The following CNR2 variants were observed in gnomAD, a reference collection of about 807,000 sequenced individuals.
CNR2 encodes the protein cannabinoid receptor 2 (macrophage).
For synonymous variants in CNR2, 172 were observed against 182.2 expected, an observed-to-expected ratio of 0.94 and a Z score of 0.45; for missense variants, 379 against 439.9, an observed-to-expected ratio of 0.86 and a Z score of 1.24.
intron 1 of CNR2, among the ~76,000 whole-genome samples, chr1:23,898,900 A>G (rs6663800): frequency 0.98 from 148,974 of 151,850 alleles, 73,131 homozygotes; most frequent in East Asian, 1. Flanking sequence ...TGATCCAACC[A>G]CCTCCACCTA....
Position 23,874,534 on chromosome 1 carries a change from A to C in CNR2, c.*1T>G. On this transcript the variant is annotated 3_prime_UTR_variant, in exon 2 of 2. Transcript: ENST00000374472. Reference sequence around the variant, plus strand: ...GTTGTTTAAATTGGGAAGAGGCCTCATCAGCAATCAGAGAGGTCTAGATCT... The same window carrying C: ...GTTGTTTAAATTGGGAAGAGGCCTCCTCAGCAATCAGAGAGGTCTAGATCT... 6.2e-7 allele frequency: 1 copy of C among 1,609,804 alleles called. No homozygotes were observed. Among genetic ancestry groups the C allele is most frequent in the Non-Finnish European group, 8.5e-7 (1 of 1,177,742 alleles).
At chr1:23,885,344 A>C (rs1374132884) in intron 1 of CNR2, among the ~76,000 whole-genome samples, 1 of 152,178 alleles carries the variant, frequency 6.6e-6, no homozygotes, top group Non-Finnish European at 1.5e-5. Flanking sequence ...GTAGACCCCA[A>C]GTATGAGTGT....
chr1:23,900,504 CTTTTT>C (rs56203777), intron 1 of CNR2, among the ~76,000 whole-genome samples: 2 of 82,090 alleles, frequency 2.4e-5, no homozygotes, highest in Non-Finnish European at 2.5e-5. Context: ...TCCCTGATCT[CTTTTT>C]TTTTTTTTTT....
At chr1:23,896,881 GTT>G (rs5773060) in intron 1 of CNR2, among the ~76,000 whole-genome samples, 7 of 141,820 alleles carry the variant, frequency 4.9e-5, no homozygotes, top group African/African-American at 1.8e-4. Context: ...CACCAGGAGT[GTT>G]TTTTTTTTTT....
At chr1:23,880,368 G>A (rs761769545) in intron 1 of CNR2, among the ~76,000 whole-genome samples, 6 of 151,760 alleles carry the variant, frequency 4.0e-5, no homozygotes, top group Non-Finnish European at 8.8e-5. Context: ...TAGTAGAGAC[G>A]GGGTTTCACC....
chr1:23,888,434 C>G (rs1447499825), intron 1 of CNR2, among the ~76,000 whole-genome samples: 1 of 152,048 alleles, frequency 6.6e-6, no homozygotes, highest in Non-Finnish European at 1.5e-5. Context: ...AGCTTCTTAC[C>G]CTGGGTCCAT....
intron 1 of CNR2, 47 bp from the exon 2 acceptor site, chr1:23,875,709 A>G: frequency 1.4e-6 from 2 of 1,444,260 alleles, no homozygotes; most frequent in Non-Finnish European, 1.9e-6. Context: ...AGTAAGCACA[A>G]GAATGACCTC....
rs61996280 is a variant in CNR2, at chr1:23,875,421, C to T, written c.197G>A (p.Arg66Gln). The T allele has an allele frequency of 2.0e-3, 3,302 of 1,614,198 alleles. 46 individuals are homozygous for T. In the African/African-American group the frequency reaches 0.031, roughly 15 times the overall value. The change falls in exon 2 of 2, where the codon CGG becomes CAG. Residue 66 changes from arginine to glutamine, a missense_variant. Transcript: ENST00000374472. ...YLILSSHQLRRKPSYLFIGSL... is the reference protein window; with the variant it reads ...YLILSSHQLRQKPSYLFIGSL... ...GCCAATGAACAGGTATGAGGGCTTCCGGCGGAGTTGGTGGGAGGACAGGAT... is the reference window on the plus strand; with the variant it reads ...GCCAATGAACAGGTATGAGGGCTTCTGGCGGAGTTGGTGGGAGGACAGGAT...
intron 1 of CNR2, among the ~76,000 whole-genome samples, chr1:23,885,434 C>G (rs954513884): frequency 6.6e-5 from 10 of 152,132 alleles, no homozygotes; most frequent in Non-Finnish European, 1.5e-5. Flanking sequence ...TTGGTCTTCT[C>G]ATTTCTCATC....
Position 23,887,948 on chromosome 1 carries a change from T to A in CNR2, c.-45-12286A>T, listed in dbSNP as rs566437578. 3.9e-5 allele frequency among the ~76,000 whole-genome samples: 6 copies of A among 152,256 alleles called. No individual in the cohort carries two copies. In the East Asian group the frequency reaches 1.2e-3, roughly 29 times the overall value. ...GGCTCCTTAAACTCCTGCTTCTTTC[T>A]CCCCTGCACAGCTGCAAGGTCACAA... On this transcript the variant is annotated intron_variant, in intron 1 of 1. Transcript: ENST00000374472.
At chr1:23,881,055 C>T (rs1265861857) in intron 1 of CNR2, among the ~76,000 whole-genome samples, 2 of 151,402 alleles carry the variant, frequency 1.3e-5, no homozygotes, top group African/African-American at 2.4e-5. Context: ...GCGGGCAGAT[C>T]ACCTGAGGTC....
rs750919886 is a variant in CNR2, at chr1:23,874,527, A to G, written c.*8T>C. The G allele has an allele frequency of 1.9e-6, 3 of 1,605,310 alleles. No homozygotes were observed. In the South Asian group the frequency reaches 3.3e-5, roughly 18 times the overall value. On this transcript the variant is annotated 3_prime_UTR_variant, in exon 2 of 2. Transcript: ENST00000374472. ...GACTTGAGTTGTTTAAATTGGGAAG[A>G]GGCCTCATCAGCAATCAGAGAGGTC... is the stretch of plus-strand genomic sequence containing the variant.
chr1:23,878,444 A>T (rs1376173490), intron 1 of CNR2, among the ~76,000 whole-genome samples: 1 of 149,700 alleles, frequency 6.7e-6, no homozygotes, highest in Non-Finnish European at 1.5e-5. Context: ...CCAAAGCAGA[A>T]TTTTTTTTTT....
intron 1 of CNR2, among the ~76,000 whole-genome samples, chr1:23,910,067 G>C (rs1366519768): frequency 1.3e-5 from 2 of 149,932 alleles, no homozygotes; most frequent in Non-Finnish European, 3.0e-5. Context: ...TTCCACCTCA[G>C]CCCCCTGAGT....
chr1:23,879,900 A>G (rs1432519549), intron 1 of CNR2, among the ~76,000 whole-genome samples: 2 of 152,140 alleles, frequency 1.3e-5, no homozygotes, highest in Non-Finnish European at 2.9e-5. Context: ...CAAACCCTGC[A>G]TAGCTCCCTA....
At chr1:23,900,467 C>G (rs1640379412) in intron 1 of CNR2, among the ~76,000 whole-genome samples, 1 of 150,284 alleles carries the variant, frequency 6.7e-6, no homozygotes, top group African/African-American at 2.5e-5. Flanking sequence ...CATGGGGTCT[C>G]TCTTATACTT....
At position 23,891,635 on chromosome 1, in the gene CNR2, A is replaced by AG. The variant is rs1553141354; in HGVS notation, c.-45-15974_-45-15973insC. On this transcript the variant is annotated intron_variant, in intron 1 of 1. Transcript: ENST00000374472. Reference sequence around the variant, plus strand: ...ACTCCATCTCAAAAAAAAAAAAAAAAAAAGCCCAAATCTTACCTCTTTTTA... The same window carrying AG: ...ACTCCATCTCAAAAAAAAAAAAAAAAGAAAGCCCAAATCTTACCTCTTTTTA... Among the ~76,000 whole-genome samples the AG allele has an allele frequency of 6.9e-5, 9 of 131,002 alleles. 2 individuals are homozygous for AG. Among genetic ancestry groups the AG allele is most frequent in the Admixed American group, 1.6e-4 (2 of 12,156 alleles). 85.9% of individuals were successfully genotyped at this position (131,002 alleles called of 152,430 possible). A position where few individuals can be genotyped will look rare whatever the true frequency, so the allele number is the denominator to read the frequency against.
intron 1 of CNR2, among the ~76,000 whole-genome samples, chr1:23,899,518 A>C (rs990843873): frequency 6.6e-6 from 1 of 151,864 alleles, no homozygotes; most frequent in Non-Finnish European, 1.5e-5. Context: ...GCACAAGATT[A>C]GAAATTATGG....
At chr1:23,881,873 G>A (rs1346373411) in intron 1 of CNR2, among the ~76,000 whole-genome samples, 2 of 151,126 alleles carry the variant, frequency 1.3e-5, no homozygotes, top group East Asian at 2.0e-4. Flanking sequence ...CCTGGGCAAC[G>A]AGAGCGAAAC....
Sources: allele counts gnomAD v4.1 joint callset (sites outside exome capture counted in the v4.1 genomes callset), GRCh38; gene constraint gnomAD v4.1.1; transcripts MANE v1.5; gene names NCBI Gene and HGNC (gene_info 2026-07-23, HGNC 2026-07-21).